SMU1: variants seen among roughly 807,000 people sequenced by gnomAD.
SMU1 encodes SMU1 DNA replication regulator and spliceosomal factor, also known as WD40 repeat-containing protein SMU1.
In SMU1, 2 loss-of-function variants were observed where a neutral mutation model predicts 62.0. The observed-to-expected ratio is 0.03, with a 90% CI of 0.01 to 0.10. The LOEUF (loss-of-function observed/expected upper bound fraction) is 0.10. Among genes scored for constraint, SMU1 ranks in the 10% least tolerant of loss-of-function variants. SMU1 has a pLI of 1.00. For synonymous variants in SMU1, 188 were observed against 212.4 expected, an observed-to-expected ratio of 0.89 and a Z score of 1.00; for missense variants, 227 against 622.1, an observed-to-expected ratio of 0.36 and a Z score of 6.76.
In SMU1 at chr9:33,076,659, G is replaced by A. The variant is rs974154186; in HGVS notation, c.-51C>T. On this transcript the variant is annotated 5_prime_UTR_variant, in exon 1 of 12. Transcript: ENST00000397149. The stretch of plus-strand genomic sequence containing the variant: ...CCAGCTCTCCCTCAAGGCCAGTCGC[G>A]CAACACACCAACGACACCTCCGGCG... 1.2e-6 allele frequency: 2 copies of A among 1,612,878 alleles called. No homozygotes were observed. Among genetic ancestry groups the A allele is most frequent in the Non-Finnish European group, 1.7e-6 (2 of 1,179,844 alleles).
At chr9:33,050,928 T>C (rs199508680) in intron 10 of SMU1, among the ~76,000 whole-genome samples, 1 of 82,800 alleles carries the variant, frequency 1.2e-5, no homozygotes, top group Non-Finnish European at 2.9e-5. Flanking sequence ...GAGACCATCC[T>C]GGCTAACACG....
chr9:33,046,544 A>G lies in SMU1; in HGVS notation c.*749T>C, dbSNP rs1363336232. On this transcript the variant is annotated 3_prime_UTR_variant, in exon 12 of 12. Coordinates refer to ENST00000397149, the MANE Select transcript of SMU1 (RefSeq NM_018225.3). ...GATGAGCATTTATGTACATTTTAGA[A>G]CAAAGTCTCCAGAAAGGTATAAAGT... The G allele has an allele frequency of 1.3e-5, 2 of 151,722 alleles. No homozygotes were observed. Among genetic ancestry groups the G allele is most frequent in the Non-Finnish European group, 2.9e-5 (2 of 67,958 alleles). 9.4% of individuals were successfully genotyped at this position (151,722 alleles called of 1,614,324 possible).
chr9:33,075,062 C>T (rs958889792), intron 1 of SMU1, among the ~76,000 whole-genome samples: 9 of 152,072 alleles, frequency 5.9e-5, no homozygotes, highest in Middle Eastern at 3.4e-3. Context: ...TGTGAGCCAC[C>T]GCACCTGGCC....
Position 33,073,741 on chromosome 9 carries a change from T to C in SMU1, c.92A>G (p.Gln31Arg). The part of the protein sequence containing the change: ...NSLHRALATL[Q>R]EETTVSLNTV... ...ATTCAGAGACACAGTAGTCTCCTCC[T>C]GCAAGGTGGCTAACGCCCGATGTAA... is the stretch of plus-strand genomic sequence containing the variant. Residue 31 changes from glutamine (Q) to arginine (R), a missense_variant, in exon 2 of 12, where the codon CAG (glutamine) becomes CGG (arginine). By Grantham distance (43) the Gln-to-Arg change is conservative. Coordinates refer to ENST00000397149, the MANE Select transcript of SMU1 (RefSeq NM_018225.3). 6.2e-6 allele frequency: 10 copies of C among 1,614,196 alleles called. No homozygotes were observed. Among genetic ancestry groups the C allele is most frequent in the Non-Finnish European group, 8.5e-6 (10 of 1,180,008 alleles).
rs1269852160 is a variant in SMU1, at chr9:33,046,411, T to C, written c.*882A>G. ...GAACCTATGCATCACCTGGCCTTTT[T>C]ACATGTTAGTCTATCCTACTATCCC... On this transcript the variant is annotated 3_prime_UTR_variant, in exon 12 of 12. Coordinates refer to ENST00000397149, the MANE Select transcript of SMU1 (RefSeq NM_018225.3). 2 of 152,154 alleles carry C rather than the reference T, an allele frequency of 1.3e-5. No individual in the cohort carries two copies. Among genetic ancestry groups the C allele is most frequent in the African/African-American group, 4.8e-5 (2 of 41,426 alleles). 9.4% of individuals were successfully genotyped at this position (152,154 alleles called of 1,614,324 possible).
intron 1 of SMU1, 53 bp downstream of exon 1, chr9:33,076,530 C>A: frequency 6.2e-7 from 1 of 1,610,350 alleles, no homozygotes; most frequent in Middle Eastern, 1.7e-4. Context: ...CGCCCCACAC[C>A]CTTAACCTCC....
chr9:33,065,340 A>G (rs1262945162), intron 4 of SMU1, among the ~76,000 whole-genome samples: 3 of 152,208 alleles, frequency 2.0e-5, no homozygotes, highest in African/African-American at 7.2e-5. Flanking sequence ...AACGAAACCT[A>G]GAACCAAAAC....
At position 33,047,212 on chromosome 9, in the gene SMU1, C is replaced by CA. The variant is rs34866457; in HGVS notation, c.*80dup. The CA allele has an allele frequency of 0.053, 33,603 of 639,238 alleles. 88 individuals are homozygous for CA. The highest frequency in any genetic ancestry group is 0.069 in the Middle Eastern group (146 of 2,122). The allele number at this position is 639,238 out of a possible 1,614,324, so 39.6% of individuals were successfully genotyped here. ...CAATCTATTTGCTTAGAAAAGCTGG[C>CA]AAAAAAAAAAAAAAGCACATTACAT... On this transcript the variant is annotated 3_prime_UTR_variant, in exon 12 of 12. Coordinates refer to ENST00000397149, the MANE Select transcript of SMU1 (RefSeq NM_018225.3).
At chr9:33,063,307 A>T (rs573433009) in intron 4 of SMU1, among the ~76,000 whole-genome samples, 114 of 152,266 alleles carry the variant, frequency 7.5e-4, no homozygotes, top group African/African-American at 2.6e-3. Flanking sequence ...GGTTGCAGTG[A>T]GCCAAGATCG....
Position 33,046,253 on chromosome 9 carries a change from A to G in SMU1, c.*1040T>C, listed in dbSNP as rs1839183282. On this transcript the variant is annotated 3_prime_UTR_variant, in exon 12 of 12. Coordinates refer to ENST00000397149, the MANE Select transcript of SMU1 (RefSeq NM_018225.3). ...CTACAACATACAAAGGGGAGATGCC[A>G]AAACTCTGAATTCTTGTAACGGATC... 6.6e-6 allele frequency: 1 copy of G among 152,218 alleles called. No homozygotes were observed. The highest frequency in any genetic ancestry group is 6.5e-5 in the Admixed American group (1 of 15,286). 9.4% of individuals were successfully genotyped at this position (152,218 alleles called of 1,614,324 possible). A position where few individuals can be genotyped will look rare whatever the true frequency, so the allele number is the denominator to read the frequency against.
intron 4 of SMU1, among the ~76,000 whole-genome samples, chr9:33,063,503 T>C (rs1839385993): frequency 6.6e-6 from 1 of 152,210 alleles, no homozygotes; most frequent in Non-Finnish European, 1.5e-5. Context: ...TCAATAATTT[T>C]TGGTATCATT....
intron 9 of SMU1, 93 bp downstream of exon 9, chr9:33,056,020 C>T: frequency 4.6e-6 from 6 of 1,298,452 alleles, no homozygotes; most frequent in Non-Finnish European, 1.0e-6. Context: ...AGGTTTACTA[C>T]AGCACAATCA....
intron 1 of SMU1, among the ~76,000 whole-genome samples, chr9:33,075,469 C>T (rs1443522547): frequency 1.3e-5 from 2 of 152,040 alleles, no homozygotes; most frequent in African/African-American, 4.8e-5. Context: ...AGACTTAGAC[C>T]CCTGTTATTC....
chr9:33,071,605 A>C, intron 3 of SMU1, 135 bp downstream of exon 3: 1 of 906,362 alleles, frequency 1.1e-6, no homozygotes, highest in African/African-American at 1.7e-5. Context: ...ATATATAAAC[A>C]GAGAAGCATC....
At chr9:33,071,208 G>T (rs187760494) in intron 3 of SMU1, among the ~76,000 whole-genome samples, 1 of 152,110 alleles carries the variant, frequency 6.6e-6, no homozygotes, top group Non-Finnish European at 1.5e-5. Flanking sequence ...AAAAGGCTGG[G>T]GGGGTGGGCA....
chr9:33,051,564 G>A (rs1256246620), intron 10 of SMU1, among the ~76,000 whole-genome samples: 1 of 152,084 alleles, frequency 6.6e-6, no homozygotes, highest in Non-Finnish European at 1.5e-5. Context: ...CCCGTGGGAG[G>A]GACAGAAGAA....
At chr9:33,054,293 A>G (rs1223053800) in intron 9 of SMU1, among the ~76,000 whole-genome samples, 2 of 152,014 alleles carry the variant, frequency 1.3e-5, no homozygotes, top group East Asian at 1.9e-4. Flanking sequence ...ACGGGACTAC[A>G]GGCAGGTGCC....
At position 33,056,668 on chromosome 9, in the gene SMU1, C is replaced by T. The variant is rs547106849; in HGVS notation, c.995+169G>A. Among the ~76,000 whole-genome samples the T allele has an allele frequency of 1.4e-4, 21 of 152,292 alleles. No individual in the cohort carries two copies. The South Asian group carries it at 4.1e-3, about 30-fold the overall frequency. ...GGTAAAAACTCAAATGACACAACAA[C>T]AAGTGTCAGTTGTACTTTGGGGACA... On this transcript the variant is annotated intron_variant, in intron 8 of 11. Transcript: ENST00000397149.
At chr9:33,052,440 C>A (rs1356683997) in intron 10 of SMU1, among the ~76,000 whole-genome samples, 1 of 152,138 alleles carries the variant, frequency 6.6e-6, no homozygotes, top group Non-Finnish European at 1.5e-5. Context: ...TACTGCGGAC[C>A]AGCCATCTCA....
Sources: gnomAD v4.1 joint callset for allele counts (sites outside exome capture counted in the v4.1 genomes callset) on GRCh38, gnomAD v4.1.1 for gene constraint, MANE v1.5 for transcripts, NCBI Gene and HGNC (gene_info 2026-07-23, HGNC 2026-07-21) for gene names.